ING3: variants seen among roughly 807,000 people sequenced by gnomAD.
ING3 encodes the protein inhibitor of growth protein 3.
Under a neutral mutation model 64.8 loss-of-function variants are expected in ING3, and 6 were observed. The observed-to-expected ratio is 0.09, with a 90% CI of 0.05 to 0.18. The LOEUF (loss-of-function observed/expected upper bound fraction) is 0.18, where lower values mean the gene tolerates loss of function less well. Among genes scored for constraint, ING3 ranks in the 10% least tolerant of loss-of-function variants. The pLI is 1.00. For synonymous variants in ING3, 170 were observed against 173.7 expected (o/e 0.98, Z 0.17); for missense variants, 310 against 489.7 (o/e 0.63, Z 3.46).
At chr7:120,958,405 G>A (rs185383674) in intron 4 of ING3, among the ~76,000 whole-genome samples, 28 of 152,076 alleles carry the variant, frequency 1.8e-4, no homozygotes, top group Non-Finnish European at 3.5e-4. Context: ...ACTGGTACCC[G>A]GTTCACAGTT....
At chr7:120,963,201 C>T (rs777978310) in intron 4 of ING3, among the ~76,000 whole-genome samples, 104 of 152,040 alleles carry the variant, frequency 6.8e-4, no homozygotes, top group Non-Finnish European at 1.0e-4. Flanking sequence ...AAAGGATGCT[C>T]AATTACCTGC....
At chr7:120,971,346 A>G (rs966538477) in intron 10 of ING3, among the ~76,000 whole-genome samples, 2 of 151,922 alleles carry the variant, frequency 1.3e-5, no homozygotes, top group Admixed American at 6.6e-5. Flanking sequence ...GTCTTTTCTT[A>G]TAAGGGCACC....
intron 9 of ING3, among the ~76,000 whole-genome samples, chr7:120,969,794 A>G (rs1289966380): frequency 1.3e-5 from 2 of 152,320 alleles, no homozygotes; most frequent in Admixed American, 1.3e-4. Context: ...GAAAGTTCAA[A>G]TGCTAGGCCA....
intron 5 of ING3, among the ~76,000 whole-genome samples, chr7:120,965,071 T>C (rs1795980368): frequency 6.6e-6 from 1 of 152,182 alleles, no homozygotes; most frequent in African/African-American, 2.4e-5. Flanking sequence ...TCATTTTATA[T>C]CCACATATAC....
Position 120,975,448 on chromosome 7 carries a change from C to G in ING3, c.*604C>G, listed in dbSNP as rs755380484. 1 of 145,734 alleles carries G rather than the reference C, an allele frequency of 6.9e-6. No individual in the cohort carries two copies. The highest frequency in any genetic ancestry group is 1.5e-5 in the Non-Finnish European group (1 of 67,264). The allele number at this position is 145,734 out of a possible 1,614,324, so 9.0% of individuals were successfully genotyped here. A position where few individuals can be genotyped will look rare whatever the true frequency, so the allele number is the denominator to read the frequency against. ...GAGTACCTGGGTACATAAACAGAAACTCCTGTAGGTAAAAAGTAATTTGTG... is the reference window on the plus strand; with the variant it reads ...GAGTACCTGGGTACATAAACAGAAAGTCCTGTAGGTAAAAAGTAATTTGTG... On this transcript the variant is annotated 3_prime_UTR_variant, in exon 12 of 12. Coordinates refer to ENST00000315870, the MANE Select transcript of ING3 (RefSeq NM_019071.3).
In ING3 at chr7:120,969,084, G is replaced by C; in HGVS notation, c.788G>C (p.Gly263Ala). 6.2e-7 allele frequency: 1 copy of C among 1,613,936 alleles called. No homozygotes were observed. Among genetic ancestry groups the C allele is most frequent in the Non-Finnish European group, 8.5e-7 (1 of 1,179,900 alleles). The change falls in exon 9 of 12, where the codon GGA (glycine) becomes GCA (alanine). Residue 263 changes from glycine to alanine, a missense_variant. Physicochemically the swap from Gly to Ala is moderately conservative, Grantham distance 60. Coordinates refer to ENST00000315870, the MANE Select transcript of ING3 (RefSeq NM_019071.3). ...EAFKNNDFQL[G>A]KEFSMARETV... Reference sequence around the variant, plus strand: ...TTTAAGAATAATGACTTTCAGTTGGGAAAAGAATTTTCAATGGCCAGGGAA... The same window carrying C: ...TTTAAGAATAATGACTTTCAGTTGGCAAAAGAATTTTCAATGGCCAGGGAA...
chr7:120,951,122 C>A, intron 1 of ING3, 42 bp from the exon 2 acceptor site: 1 of 1,604,060 alleles, frequency 6.2e-7, no homozygotes, highest in Non-Finnish European at 8.5e-7. Context: ...GCGCGTATTT[C>A]GCCGTTGGCC....
At chr7:120,970,638 CAGTT>C (rs1242022405) in intron 9 of ING3, 46 bp from the exon 10 acceptor site, 1 of 1,575,184 alleles carries the variant, frequency 6.3e-7, no homozygotes, top group Non-Finnish European at 8.7e-7. Context: ...GAGTTATTCT[CAGTT>C]AACTTCTGGA....
chr7:120,953,289 T>G lies in ING3; in HGVS notation c.101-15T>G. On this transcript the variant is annotated splice_polypyrimidine_tract_variant and intron_variant, in intron 2 of 11. Transcript: ENST00000315870. ...ATTTGGTCATTTAATATGAATTTTTTTTATTATGTCATAGATGCAATGGAT... is the reference window on the plus strand; with the variant it reads ...ATTTGGTCATTTAATATGAATTTTTGTTATTATGTCATAGATGCAATGGAT... 6.7e-7 allele frequency: 1 copy of G among 1,497,204 alleles called. No homozygotes were observed. Among genetic ancestry groups the G allele is most frequent in the Non-Finnish European group, 9.1e-7 (1 of 1,100,500 alleles). 92.7% of individuals were successfully genotyped at this position (1,497,204 alleles called of 1,614,324 possible).
intron 5 of ING3, 107 bp downstream of exon 5, chr7:120,964,945 G>A: frequency 1.2e-6 from 1 of 824,864 alleles, no homozygotes; most frequent in Admixed American, 2.1e-5. Context: ...TCAATGGATG[G>A]TGGCATCCAG....
intron 4 of ING3, 155 bp downstream of exon 4, chr7:120,955,779 T>C (rs1795837426): frequency 9.7e-6 from 6 of 620,022 alleles, no homozygotes; most frequent in South Asian, 8.2e-5. Flanking sequence ...GTCCATTTTA[T>C]GGTTTCTTTG....
At chr7:120,951,564 G>A (rs61088337) in intron 2 of ING3, among the ~76,000 whole-genome samples, 2 of 152,094 alleles carry the variant, frequency 1.3e-5, no homozygotes, top group African/African-American at 4.8e-5. Flanking sequence ...TTGAGATGTC[G>A]TCTTGAGCCT....
At chr7:120,959,271 G>A (rs564762950) in intron 4 of ING3, among the ~76,000 whole-genome samples, 440 of 152,272 alleles carry the variant, frequency 2.9e-3, no homozygotes, top group Non-Finnish European at 4.4e-3. Context: ...ATTCCACAGC[G>A]TAAAGACCTG....
intron 5 of ING3, among the ~76,000 whole-genome samples, chr7:120,965,681 A>G (rs1795988542): frequency 6.6e-6 from 1 of 152,138 alleles, no homozygotes; most frequent in African/African-American, 2.4e-5. Flanking sequence ...TACAGTGCCA[A>G]TCTATGTATC....
chr7:120,973,772 G>A (rs572162402), intron 11 of ING3, among the ~76,000 whole-genome samples: 76 of 152,230 alleles, frequency 5.0e-4, no homozygotes, highest in African/African-American at 1.7e-3. Context: ...TTGGTTTTTA[G>A]GAGACTTAAT....
intron 10 of ING3, among the ~76,000 whole-genome samples, chr7:120,971,660 A>G (rs1200476046): frequency 6.6e-6 from 1 of 152,058 alleles, no homozygotes; most frequent in Non-Finnish European, 1.5e-5. Context: ...CTCTTATGCC[A>G]TCCAGTGTAG....
At chr7:120,972,035 G>A (rs934641538) in intron 10 of ING3, among the ~76,000 whole-genome samples, 9 of 151,808 alleles carry the variant, frequency 5.9e-5, no homozygotes, top group African/African-American at 7.3e-5. Context: ...ATTATGAATC[G>A]ACTCCTAATG....
intron 9 of ING3, 70 bp from the exon 10 acceptor site, chr7:120,970,618 A>G (rs1796058176): frequency 6.9e-7 from 1 of 1,450,460 alleles, no homozygotes; most frequent in Admixed American, 1.9e-5. Flanking sequence ...ATTTTATACT[A>G]TTTATTTAGG....
In ING3 at chr7:120,950,822, G is replaced by T. The variant is rs965664762; in HGVS notation, c.-75G>T. ...CTAGCGGAGGCGCCATATTGGAGGG[G>T]ACAAAACTCCGGCGACAGCGAGTGA... On this transcript the variant is annotated 5_prime_UTR_variant, in exon 1 of 12. Transcript: ENST00000315870. 78 of 1,537,352 alleles carry T rather than the reference G, an allele frequency of 5.1e-5. No individual in the cohort carries two copies. Among genetic ancestry groups the T allele is most frequent in the Non-Finnish European group, 6.3e-5 (70 of 1,115,990 alleles).
Sources: gnomAD v4.1 joint callset for allele counts (sites outside exome capture counted in the v4.1 genomes callset) on GRCh38, gnomAD v4.1.1 for gene constraint, MANE v1.5 for transcripts, NCBI Gene and HGNC (gene_info 2026-07-23, HGNC 2026-07-21) for gene names.